Variants in SLCO1B3 observed in about 807,000 individuals in gnomAD.
The protein encoded by SLCO1B3 is liver-specific organic anion transporter 2.
SLCO1B3 carries 72 observed loss-of-function variants against 71.8 expected under a neutral mutation model. The observed-to-expected ratio is 1.00, with a 90% CI of 0.83 to 1.22. SLCO1B3 has a LOEUF of 1.22. Among genes scored for constraint, SLCO1B3 ranks in the 50% most tolerant of loss-of-function variants. The probability of loss-of-function intolerance (pLI) is 0.00; values close to 1 mark genes in which losing one functional copy is unlikely to be tolerated. For synonymous variants in SLCO1B3, 298 were observed against 278.4 expected, an observed-to-expected ratio of 1.07 and a Z score of -0.70; for missense variants, 911 against 819.7, an observed-to-expected ratio of 1.11 and a Z score of -1.36.
chr12:20,826,692 T>A (rs1591746159), intron 3 of SLCO1B3, among the ~76,000 whole-genome samples: 1 of 146,886 alleles, frequency 6.8e-6, no homozygotes, highest in South Asian at 2.2e-4. Context: ...AAAAAAAAAA[T>A]TAATCACACA....
In SLCO1B3 at chr12:20,846,883, TAGAG is replaced by T. The variant is rs372941759; in HGVS notation, c.85-8143_85-8140del. The stretch of plus-strand genomic sequence containing the variant: ...ACAGCTTGCCGTGACTGCAGGTAGA[TAGAG>T]ACTTTACCTCTTATCTCGATGCCAG... On this transcript the variant is annotated intron_variant, in intron 3 of 15. Transcript: ENST00000381545. 1.4e-3 allele frequency among the ~76,000 whole-genome samples: 209 copies of T among 152,232 alleles called. 2 individuals are homozygous for T. The highest frequency in any genetic ancestry group is 4.9e-3 in the African/African-American group (204 of 41,552).
intron 10 of SLCO1B3, among the ~76,000 whole-genome samples, chr12:20,878,399 G>A (rs1261127848): frequency 6.6e-6 from 1 of 152,022 alleles, no homozygotes; most frequent in Non-Finnish European, 1.5e-5. Context: ...AAATATGCAT[G>A]ATTCAAAACA....
intron 15 of SLCO1B3, chr12:20,901,931 A>G (rs1195117070): frequency 2.3e-6 from 1 of 433,102 alleles, no homozygotes; most frequent in Non-Finnish European, 4.5e-6. Flanking sequence ...CATTAAGACA[A>G]CTAGATTATC....
At chr12:20,811,324 C>T (rs997322862) in intron 1 of SLCO1B3, among the ~76,000 whole-genome samples, 2 of 152,122 alleles carry the variant, frequency 1.3e-5, no homozygotes, top group African/African-American at 4.8e-5. Context: ...AGAAAAAAAT[C>T]TTCTGGGCAC....
At chr12:20,890,784 T>C (rs555101750) in intron 13 of SLCO1B3, among the ~76,000 whole-genome samples, 4 of 152,326 alleles carry the variant, frequency 2.6e-5, no homozygotes, top group South Asian at 4.1e-4. Context: ...TCATTATTTA[T>C]GGTTTTTGAT....
At chr12:20,832,951 A>ATTG (rs67179123) in intron 3 of SLCO1B3, among the ~76,000 whole-genome samples, 5 of 48,672 alleles carry the variant, frequency 1.0e-4, no homozygotes, top group Admixed American at 3.5e-4. Context: ...AACAAAAAAA[A>ATTG]TTATCTTAGA....
At chr12:20,872,117 T>C (rs1865485991) in intron 8 of SLCO1B3, among the ~76,000 whole-genome samples, 1 of 151,974 alleles carries the variant, frequency 6.6e-6, no homozygotes, top group Non-Finnish European at 1.5e-5. Context: ...TTCTTCTTGC[T>C]CTTCTCTCCC....
chr12:20,869,470 A>C (rs1236174946), intron 8 of SLCO1B3, among the ~76,000 whole-genome samples: 1 of 152,242 alleles, frequency 6.6e-6, no homozygotes, highest in Non-Finnish European at 1.5e-5. Flanking sequence ...ATATATAATC[A>C]TATCTAAGAT....
At chr12:20,846,434 G>GT (rs1466040466) in intron 3 of SLCO1B3, among the ~76,000 whole-genome samples, 5 of 152,118 alleles carry the variant, frequency 3.3e-5, no homozygotes, top group Admixed American at 6.6e-5. Flanking sequence ...TGCAAACTAT[G>GT]TGTTGGTGTT....
intron 3 of SLCO1B3, among the ~76,000 whole-genome samples, chr12:20,822,187 T>G (rs531883135): frequency 1.3e-5 from 2 of 152,170 alleles, no homozygotes; most frequent in African/African-American, 4.8e-5. Flanking sequence ...GCACCAAATT[T>G]CATGTGTGTC....
At chr12:20,878,841 A>G (rs1408763850) in intron 10 of SLCO1B3, among the ~76,000 whole-genome samples, 2 of 152,144 alleles carry the variant, frequency 1.3e-5, no homozygotes, top group African/African-American at 4.8e-5. Flanking sequence ...CATTTTTATC[A>G]TATCATGGTA....
chr12:20,852,018 T>C (rs11494550), intron 3 of SLCO1B3, among the ~76,000 whole-genome samples: 109,567 of 152,092 alleles, frequency 0.72, 41,983 homozygotes, highest in South Asian at 0.9. Flanking sequence ...TTTTATATGA[T>C]TATCTTTATT....
intron 3 of SLCO1B3, among the ~76,000 whole-genome samples, chr12:20,849,729 A>G (rs1308399834): frequency 1.5e-5 from 2 of 130,248 alleles, no homozygotes; most frequent in East Asian, 4.5e-4. Context: ...ACACACACAC[A>G]CACACACACA....
chr12:20,846,643 T>C (rs1203076610), intron 3 of SLCO1B3, among the ~76,000 whole-genome samples: 2 of 152,096 alleles, frequency 1.3e-5, no homozygotes, highest in Non-Finnish European at 1.5e-5. Context: ...ACATAATCCA[T>C]GGATACTTGT....
At chr12:20,902,700 G>A (rs34518138) in intron 15 of SLCO1B3, among the ~76,000 whole-genome samples, 5,650 of 152,128 alleles carry the variant, frequency 0.037, 144 homozygotes, top group Non-Finnish European at 0.052. Flanking sequence ...CAACAGCAAG[G>A]GGTAAATTAG....
At position 20,916,183 on chromosome 12, in the gene SLCO1B3, C is replaced by G; in HGVS notation, c.2045C>G (p.Pro682Arg). 1.2e-6 allele frequency: 2 copies of G among 1,611,274 alleles called. No individual in the cohort carries two copies. Among genetic ancestry groups the G allele is most frequent in the Non-Finnish European group, 1.7e-6 (2 of 1,177,620 alleles). ...EFLNNGEHFVPSAGTDSKTCN... is the reference protein window; with the variant it reads ...EFLNNGEHFVRSAGTDSKTCN... The stretch of plus-strand genomic sequence containing the variant: ...TTAAATAATGGTGAACATTTTGTAC[C>G]TTCTGCTGGAACAGATAGTAAAACA... Residue 682 changes from proline (P) to arginine (R), a missense_variant, in exon 16 of 16, where the codon CCT (proline) becomes CGT (arginine). Transcript: ENST00000381545.
rs185725703 is a variant in SLCO1B3 at position 20,820,960 on chromosome 12, G to A, written c.84+5138G>A. ...TAGTCATGGAACAAAACTGTAAGCC[G>A]GATCAGGTGTGAGGAGGGGAGGCGA... On this transcript the variant is annotated intron_variant, in intron 3 of 15. Coordinates refer to ENST00000381545, the MANE Select transcript of SLCO1B3 (RefSeq NM_019844.4). Among the ~76,000 whole-genome samples, 225 of 152,264 alleles carry A rather than the reference G, an allele frequency of 1.5e-3. 1 individual carries two copies. Among genetic ancestry groups the A allele is most frequent in the African/African-American group, 5.1e-3 (212 of 41,564 alleles).
chr12:20,910,526 T>A (rs1215686579), intron 15 of SLCO1B3, among the ~76,000 whole-genome samples: 1 of 152,210 alleles, frequency 6.6e-6, no homozygotes, highest in East Asian at 1.9e-4. Context: ...GCATTGAATC[T>A]GTGTATCAAG....
At chr12:20,889,921 T>G (rs1287686509) in intron 13 of SLCO1B3, among the ~76,000 whole-genome samples, 1 of 151,902 alleles carries the variant, frequency 6.6e-6, no homozygotes, top group African/African-American at 2.4e-5. Flanking sequence ...CTTAATTTTT[T>G]TTTTTTTGTT....
Sources: gnomAD v4.1 joint callset for allele counts (sites outside exome capture counted in the v4.1 genomes callset) on GRCh38, gnomAD v4.1.1 for gene constraint, MANE v1.5 for transcripts, NCBI Gene and HGNC (gene_info 2026-07-23, HGNC 2026-07-21) for gene names.